The following TGIF2 variants were observed in gnomAD, a reference collection of about 807,000 sequenced individuals.
The protein encoded by TGIF2 is TGFB induced factor homeobox 2.
A neutral mutation model predicts 15.1 loss-of-function variants in TGIF2; 5 were observed. That is an observed-to-expected ratio of 0.33 (90% CI 0.17 to 0.70). The LOEUF is 0.70. Among genes scored for constraint, TGIF2 ranks in the 30% least tolerant of loss-of-function variants. The probability of loss-of-function intolerance (pLI) is 0.67; values close to 1 mark genes in which losing one functional copy is unlikely to be tolerated. For missense variants in TGIF2, 264 were observed against 302.5 expected (o/e 0.87, Z 0.94); for synonymous variants, 131 against 128.9 (o/e 1.02, Z -0.11).
intron 2 of TGIF2, among the ~76,000 whole-genome samples, chr20:36,580,429 G>C (rs1215681419): frequency 1.3e-5 from 2 of 152,182 alleles, no homozygotes; most frequent in Non-Finnish European, 2.9e-5. Flanking sequence ...TGCCTTCTCT[G>C]TGAGCCTCAT....
At chr20:36,584,498 A>G (rs1338922516) in intron 2 of TGIF2, among the ~76,000 whole-genome samples, 1 of 152,110 alleles carries the variant, frequency 6.6e-6, no homozygotes, top group Admixed American at 6.6e-5. Flanking sequence ...GCTCCTAATC[A>G]TGAAAAATAG....
intron 2 of TGIF2, among the ~76,000 whole-genome samples, chr20:36,586,344 C>T (rs2038657726): frequency 6.6e-6 from 1 of 152,108 alleles, no homozygotes; most frequent in Non-Finnish European, 1.5e-5. Flanking sequence ...TTGCCAACTC[C>T]ACCCCTCACC....
intron 2 of TGIF2, among the ~76,000 whole-genome samples, chr20:36,589,186 G>A (rs2038718637): frequency 1.3e-5 from 2 of 152,106 alleles, no homozygotes; most frequent in African/African-American, 4.8e-5. Flanking sequence ...TCTGTTGGGG[G>A]CTTGTTGGTG....
At position 36,589,007 on chromosome 20, in the gene TGIF2, G is replaced by A. The variant is rs113494716; in HGVS notation, c.193-1903G>A. 4.1e-3 allele frequency among the ~76,000 whole-genome samples: 630 copies of A among 152,366 alleles called. 4 individuals carry two copies. Among genetic ancestry groups the A allele is most frequent in the Middle Eastern group, 0.01 (3 of 294 alleles). On this transcript the variant is annotated intron_variant, in intron 2 of 2. Transcript: ENST00000373872. The stretch of plus-strand genomic sequence containing the variant: ...TCAGTTGCATTGGAGGACCATAGAG[G>A]TGAAGGAGGGCAGATGAGAACCCCA...
At chr20:36,574,851 G>C (rs957447900) in intron 1 of TGIF2, 1 of 152,570 alleles carries the variant, frequency 6.6e-6, no homozygotes, top group African/African-American at 2.4e-5. Flanking sequence ...ATGCGGGCGT[G>C]AGTGCGCGGC....
At chr20:36,582,607 T>C (rs989949204) in intron 2 of TGIF2, among the ~76,000 whole-genome samples, 6 of 152,196 alleles carry the variant, frequency 3.9e-5, no homozygotes, top group Non-Finnish European at 7.3e-5. Context: ...AACATCCTTC[T>C]AGAGAACTGG....
At chr20:36,578,591 C>T in intron 1 of TGIF2, 150 bp from the exon 2 acceptor site, 1 of 843,588 alleles carries the variant, frequency 1.2e-6, no homozygotes, top group Non-Finnish European at 1.7e-6. Flanking sequence ...TCCCTTCTAG[C>T]TTGCTCGGTC....
chr20:36,587,023 TTTTGCCATATACATCACAGAG>T (rs1234900859), intron 2 of TGIF2, among the ~76,000 whole-genome samples: 1 of 152,124 alleles, frequency 6.6e-6, no homozygotes, highest in Non-Finnish European at 1.5e-5. Context: ...CCAGCCTGTG[TTTTGCCATATACATCACAGAG>T]TTCACTTTGA....
chr20:36,590,023 C>A (rs1383877819), intron 2 of TGIF2, among the ~76,000 whole-genome samples: 2 of 152,066 alleles, frequency 1.3e-5, no homozygotes, highest in Non-Finnish European at 2.9e-5. Flanking sequence ...GGCATTATCA[C>A]GGCTCACTGC....
At chr20:36,577,017 T>TTTA (rs1459352670) in intron 1 of TGIF2, among the ~76,000 whole-genome samples, 37 of 151,806 alleles carry the variant, frequency 2.4e-4, no homozygotes, top group African/African-American at 8.7e-4. Flanking sequence ...TTTTTTTTAT[T>TTTA]ATTTTATTTT....
chr20:36,587,387 C>T (rs977120014), intron 2 of TGIF2, among the ~76,000 whole-genome samples: 1 of 152,168 alleles, frequency 6.6e-6, no homozygotes, highest in African/African-American at 2.4e-5. Context: ...AATGCCCAGA[C>T]TGCCCTCCAT....
At chr20:36,578,602 T>C (rs2038479350) in intron 1 of TGIF2, 139 bp from the exon 2 acceptor site, 1 of 949,552 alleles carries the variant, frequency 1.1e-6, no homozygotes, top group South Asian at 1.9e-5. Context: ...TTGCTCGGTC[T>C]GTGTTACGGC....
intron 2 of TGIF2, among the ~76,000 whole-genome samples, chr20:36,583,290 C>CA (rs1320818839): frequency 2.9e-4 from 43 of 149,102 alleles, no homozygotes; most frequent in African/African-American, 1.0e-3. Context: ...AACAAACAAA[C>CA]AAACAAAAAA....
chr20:36,591,730 T>G lies in TGIF2; in HGVS notation c.*299T>G. On this transcript the variant is annotated 3_prime_UTR_variant, in exon 3 of 3. Transcript: ENST00000373872. The surrounding 1 kb of genome is among the most constrained non-coding windows in gnomAD (Gnocchi z 5.3). ...CCAGAAAATCCCTGGGACACCTTTG[T>G]TCCAGCCTGGTTTCCTGGGCTGGGC... 1 of 271,290 alleles carries G rather than the reference T, an allele frequency of 3.7e-6. No homozygotes were observed. The highest frequency in any genetic ancestry group is 7.1e-6 in the Non-Finnish European group (1 of 141,400). The allele number at this position is 271,290 out of a possible 1,614,324, so 16.8% of individuals were successfully genotyped here.
intron 2 of TGIF2, among the ~76,000 whole-genome samples, chr20:36,582,049 A>C (rs1274715357): frequency 6.6e-6 from 1 of 152,116 alleles, no homozygotes; most frequent in Non-Finnish European, 1.5e-5. Context: ...CAGCCTGACC[A>C]ACATGGTGAA....
chr20:36,585,465 TAAAAAAAAAA>T (rs998173848), intron 2 of TGIF2, among the ~76,000 whole-genome samples: 3 of 104,056 alleles, frequency 2.9e-5, no homozygotes, highest in Admixed American at 1.0e-4. Flanking sequence ...ACTCTGTCTT[TAAAAAAAAAA>T]AAAAAAAAAA....
At chr20:36,578,461 A>G (rs1285833345) in intron 1 of TGIF2, among the ~76,000 whole-genome samples, 1 of 152,098 alleles carries the variant, frequency 6.6e-6, no homozygotes, top group African/African-American at 2.4e-5. Flanking sequence ...AGTACCGAAC[A>G]TGGAAAACAG....
intron 2 of TGIF2, among the ~76,000 whole-genome samples, chr20:36,585,745 C>G (rs567633290): frequency 7.2e-5 from 11 of 152,128 alleles, no homozygotes; most frequent in Non-Finnish European, 1.3e-4. Context: ...CAGGTCCCTT[C>G]GACATCCTCT....
At chr20:36,574,549 C>T (rs2038379503) in intron 1 of TGIF2, 1 of 152,150 alleles carries the variant, frequency 6.6e-6, no homozygotes. Flanking sequence ...GCACGCTCCG[C>T]CGTCCCCGCG....
Sources: gnomAD v4.1 joint callset for allele counts (sites outside exome capture counted in the v4.1 genomes callset) on GRCh38, gnomAD v4.1.1 for gene constraint, Gnocchi (gnomAD v3.1) non-coding constraint, MANE v1.5 for transcripts, NCBI Gene and HGNC (gene_info 2026-07-23, HGNC 2026-07-21) for gene names.